The following MYT1L variants were observed in gnomAD, a reference collection of about 807,000 sequenced individuals.
The protein encoded by MYT1L is myelin transcription factor 1 like.
MYT1L carries 12 observed loss-of-function variants against 126.7 expected under a neutral mutation model. The observed-to-expected ratio is 0.09, with a 90% CI of 0.06 to 0.15. The LOEUF (loss-of-function observed/expected upper bound fraction) is 0.15, where lower values mean the gene tolerates loss of function less well. Ranked by LOEUF, MYT1L falls within the 10% of genes least tolerant of loss-of-function variation. MYT1L has a pLI of 1.00. For synonymous variants in MYT1L, 541 were observed against 604.2 expected, an observed-to-expected ratio of 0.90 and a Z score of 1.53; for missense variants, 979 against 1,585.2, an observed-to-expected ratio of 0.62 and a Z score of 6.49.
chr2:2,139,609 A>G (rs1053674722), intron 3 of MYT1L, among the ~76,000 whole-genome samples: 1 of 152,042 alleles, frequency 6.6e-6, no homozygotes, highest in Non-Finnish European at 1.5e-5. Flanking sequence ...ATTGCACTCC[A>G]GCCTGGGTGA....
intron 4 of MYT1L, among the ~76,000 whole-genome samples, chr2:2,047,814 T>C (rs1259069288): frequency 6.6e-6 from 1 of 152,158 alleles, no homozygotes; most frequent in African/African-American, 2.4e-5. Flanking sequence ...TTTTTAAAAT[T>C]AGAACTCAAG....
chr2:2,131,388 C>A (rs989816332), intron 3 of MYT1L, among the ~76,000 whole-genome samples: 1 of 152,178 alleles, frequency 6.6e-6, no homozygotes, highest in Non-Finnish European at 1.5e-5. Flanking sequence ...CAAGCATATT[C>A]ATAATTTCCA....
intron 4 of MYT1L, among the ~76,000 whole-genome samples, chr2:2,036,516 C>G (rs1048631524): frequency 6.6e-6 from 1 of 152,252 alleles, no homozygotes; most frequent in Admixed American, 6.5e-5. Flanking sequence ...TCTCCACTCT[C>G]TGATGTCTTC....
chr2:2,270,917 T>A (rs1357545552), intron 2 of MYT1L, among the ~76,000 whole-genome samples: 2 of 152,110 alleles, frequency 1.3e-5, no homozygotes, highest in Non-Finnish European at 2.9e-5. Flanking sequence ...TTTCATTTCT[T>A]TTCCCTTCCT....
chr2:2,260,873 C>T (rs2094947498), intron 2 of MYT1L, among the ~76,000 whole-genome samples: 1 of 152,154 alleles, frequency 6.6e-6, no homozygotes, highest in South Asian at 2.1e-4. Flanking sequence ...GATGATTTCT[C>T]TGTTTTGTTG....
In MYT1L at chr2:2,059,853, A is replaced by G. The variant is rs1427000484; in HGVS notation, c.-303-5730T>C. ...TTTTGTAGGAAGCTTTGGAGGCTGC[A>G]ACACATCTTGTGTTATGGTTTTCTC... On this transcript the variant is annotated intron_variant, in intron 3 of 24. Transcript: ENST00000647738. This position sits in a 1 kb window ranked among gnomAD's most constrained non-coding sequence, Gnocchi z 4.7. Among the ~76,000 whole-genome samples the G allele has an allele frequency of 2.0e-5, 3 of 152,172 alleles. No homozygotes were observed. The highest frequency in any genetic ancestry group is 6.5e-5 in the Admixed American group (1 of 15,272).
At chr2:2,136,259 A>T (rs1012954779) in intron 3 of MYT1L, among the ~76,000 whole-genome samples, 3 of 152,234 alleles carry the variant, frequency 2.0e-5, no homozygotes, top group Non-Finnish European at 4.4e-5. Context: ...GTCCCTTAGC[A>T]GTCCTTTCAG....
intron 21 of MYT1L, among the ~76,000 whole-genome samples, chr2:1,831,827 G>T (rs1247923876): frequency 1.3e-5 from 2 of 152,032 alleles, no homozygotes; most frequent in African/African-American, 4.8e-5. Context: ...GTCTCCCAGG[G>T]GTGTCTTTGC....
Position 2,286,841 on chromosome 2 carries a change from GA to G in MYT1L, c.-520-2339del, listed in dbSNP as rs1193203975. ...TTGAAAGGCCACCTGCAGAAGGCGG[GA>G]AGGGTGCGCGAAATCACGAAGGCAG... is the stretch of plus-strand genomic sequence containing the variant. On this transcript the variant is annotated intron_variant, in intron 1 of 24. Transcript: ENST00000647738. Among the ~76,000 whole-genome samples, 15 of 152,306 alleles carry G rather than the reference GA, an allele frequency of 9.8e-5. 1 individual carries two copies. In the South Asian group the frequency reaches 2.7e-3, roughly 27 times the overall value.
At chr2:1,890,822 A>G (rs1466477351) in intron 15 of MYT1L, among the ~76,000 whole-genome samples, 1 of 152,044 alleles carries the variant, frequency 6.6e-6, no homozygotes, top group Non-Finnish European at 1.5e-5. Flanking sequence ...TGAGACCTCC[A>G]TCCCCGGAGC....
At chr2:2,063,976 C>T (rs184111366) in intron 3 of MYT1L, among the ~76,000 whole-genome samples, 240 of 152,240 alleles carry the variant, frequency 1.6e-3, no homozygotes, top group Non-Finnish European at 2.5e-3. Context: ...TGAGATCGGA[C>T]ACATAAGAAT....
rs1327409263 is a variant in MYT1L, at chr2:1,892,364, C to T, written c.2033-77G>A. On this transcript the variant is annotated intron_variant, in intron 14 of 24. Transcript: ENST00000647738. ...CAGACAGCACACGGCAGGGCCTGCC[C>T]GCCCCGGCCTCAGCCACACACAGCC... 8 of 1,491,890 alleles carry T rather than the reference C, an allele frequency of 5.4e-6. No individual in the cohort carries two copies. In the East Asian group the frequency reaches 9.9e-5, roughly 19 times the overall value. The allele number at this position is 1,491,890 out of a possible 1,614,324, so 92.4% of individuals were successfully genotyped here.
At chr2:2,107,457 C>T (rs2078884781) in intron 3 of MYT1L, among the ~76,000 whole-genome samples, 1 of 152,230 alleles carries the variant, frequency 6.6e-6, no homozygotes, top group South Asian at 2.1e-4. Flanking sequence ...AACACTAGCT[C>T]TCTGACGCAT....
intron 2 of MYT1L, among the ~76,000 whole-genome samples, chr2:2,211,819 A>C (rs866014087): frequency 2.2e-4 from 24 of 110,436 alleles, no homozygotes; most frequent in South Asian, 1.7e-3. Context: ...AAAAAAAAAA[A>C]AACCAAACAA....
chr2:1,952,085 G>A (rs978034798), intron 8 of MYT1L, among the ~76,000 whole-genome samples: 4 of 152,068 alleles, frequency 2.6e-5, no homozygotes, highest in African/African-American at 9.7e-5. Flanking sequence ...CAAAGGCATA[G>A]CTGATTTGAA....
At chr2:1,808,038 TGAA>T (rs1332480024) in intron 22 of MYT1L, among the ~76,000 whole-genome samples, 2 of 152,138 alleles carry the variant, frequency 1.3e-5, no homozygotes, top group East Asian at 1.9e-4. Flanking sequence ...TGCCGCCATG[TGAA>T]GAAGGACACA....
intron 2 of MYT1L, among the ~76,000 whole-genome samples, chr2:2,279,559 AT>A (rs1254146174): frequency 7.5e-5 from 9 of 120,392 alleles, no homozygotes; most frequent in African/African-American, 2.9e-4. Flanking sequence ...GAGAGAAGGA[AT>A]GAATGAATGA....
chr2:2,102,323 C>T (rs184717054), intron 3 of MYT1L, among the ~76,000 whole-genome samples: 2 of 152,270 alleles, frequency 1.3e-5, no homozygotes, highest in African/African-American at 4.8e-5. Flanking sequence ...AGTTCAAGAA[C>T]CACTAATGGA....
At chr2:2,074,334 C>T (rs2074974461) in intron 3 of MYT1L, among the ~76,000 whole-genome samples, 1 of 152,222 alleles carries the variant, frequency 6.6e-6, no homozygotes, top group Non-Finnish European at 1.5e-5. Context: ...AGACACTCTA[C>T]TGAAGTTTTC....
Sources: allele counts gnomAD v4.1 joint callset (sites outside exome capture counted in the v4.1 genomes callset), GRCh38; gene constraint gnomAD v4.1.1; non-coding constraint Gnocchi (gnomAD v3.1); transcripts MANE v1.5; gene names NCBI Gene and HGNC (gene_info 2026-07-23, HGNC 2026-07-21).